The following PDSS2 variants were observed in gnomAD, a reference collection of about 807,000 sequenced individuals.
PDSS2 encodes the protein decaprenyl diphosphate synthase subunit 2.
Under a neutral mutation model 44.5 loss-of-function variants are expected in PDSS2, and 31 were observed. The observed-to-expected ratio is 0.70, with a 90% confidence interval of 0.52 to 0.94. PDSS2 has a LOEUF of 0.94. PDSS2 is among the 40% of genes least tolerant of loss of function. PDSS2 has a pLI of 0.00. For synonymous variants in PDSS2, 157 were observed against 180.3 expected, an observed-to-expected ratio of 0.87 and a Z score of 1.03; for missense variants, 452 against 482.2, an observed-to-expected ratio of 0.94 and a Z score of 0.59.
At chr6:107,447,966 A>C (rs1781742070) in intron 1 of PDSS2, among the ~76,000 whole-genome samples, 2 of 152,252 alleles carry the variant, frequency 1.3e-5, no homozygotes, top group South Asian at 4.1e-4. Flanking sequence ...ACCACATGGA[A>C]GCTGCCAAGG....
chr6:107,315,966 A>G (rs1223884504), intron 2 of PDSS2, among the ~76,000 whole-genome samples: 1 of 152,252 alleles, frequency 6.6e-6, no homozygotes, highest in Non-Finnish European at 1.5e-5. Context: ...TAATTAGAAG[A>G]AAACATCTTG....
rs1232754420 is a variant in PDSS2 at position 107,225,157 on chromosome 6, ATATATTTTTTTTTTTTT to A, written c.703-12892_703-12876del. 1.8e-3 allele frequency among the ~76,000 whole-genome samples: 56 copies of A among 30,568 alleles called. No homozygotes were observed. The East Asian group carries it at 0.053, about 29-fold the overall frequency. The allele number at this position is 30,568 out of a possible 152,430, so 20.1% of individuals were successfully genotyped here. A position where few individuals can be genotyped will look rare whatever the true frequency, so the allele number is the denominator to read the frequency against. On this transcript the variant is annotated intron_variant, in intron 4 of 7. Transcript: ENST00000369037. ...TATTTTTATATATATATATATATATATATATTTTTTTTTTTTTTTTTTTTTTTTTTTTGAGACAGAGT... is the reference window on the plus strand; with the variant it reads ...TATTTTTATATATATATATATATATATTTTTTTTTTTTTTTGAGACAGAGT...
chr6:107,165,526 C>T (rs1485488714), intron 7 of PDSS2, among the ~76,000 whole-genome samples: 5 of 152,140 alleles, frequency 3.3e-5, no homozygotes, highest in African/African-American at 1.2e-4. Flanking sequence ...TGGTCTGTAT[C>T]TCTGTTTTGG....
intron 3 of PDSS2, among the ~76,000 whole-genome samples, chr6:107,256,135 T>C (rs547353263): frequency 6.6e-6 from 1 of 152,136 alleles, no homozygotes; most frequent in Non-Finnish European, 1.5e-5. Context: ...GGGCTACAGG[T>C]GCATGCCACC....
intron 3 of PDSS2, 126 bp downstream of exon 3, chr6:107,273,903 T>A (rs1775685004): frequency 2.7e-6 from 2 of 753,840 alleles, no homozygotes; most frequent in Non-Finnish European, 4.8e-6. Context: ...CATCACAGTT[T>A]TACTGTTTAC....
chr6:107,370,702 T>A lies in PDSS2; in HGVS notation c.297-36370A>T, dbSNP rs185132896. Among the ~76,000 whole-genome samples, 210 of 151,902 alleles carry A rather than the reference T, an allele frequency of 1.4e-3. 3 individuals carry two copies. Among genetic ancestry groups the A allele is most frequent in the African/African-American group, 4.8e-3 (198 of 41,414 alleles). ...TCTTTTCCCATTTAGCAGACATCAA[T>A]TCTAGACCTACACATAACAACTCAA... is the stretch of plus-strand genomic sequence containing the variant. On this transcript the variant is annotated intron_variant, in intron 1 of 7. Coordinates refer to ENST00000369037, the MANE Select transcript of PDSS2 (RefSeq NM_020381.4).
intron 1 of PDSS2, among the ~76,000 whole-genome samples, chr6:107,351,951 A>G (rs1412959177): frequency 6.6e-6 from 1 of 152,220 alleles, no homozygotes; most frequent in East Asian, 1.9e-4. Flanking sequence ...AATTTTAGGA[A>G]AATGAGCTAA....
chr6:107,210,701 A>AAT, intron 5 of PDSS2, 131 bp from the exon 6 acceptor site: 1 of 665,284 alleles, frequency 1.5e-6, no homozygotes, highest in East Asian at 2.8e-5. Flanking sequence ...GATATACTTT[A>AAT]ATAAACAAAA....
At chr6:107,446,568 G>A (rs1025764029) in intron 1 of PDSS2, among the ~76,000 whole-genome samples, 1 of 152,090 alleles carries the variant, frequency 6.6e-6, no homozygotes, top group African/African-American at 2.4e-5. Context: ...ATTGCTATAA[G>A]GAAATACCCA....
At position 107,264,958 on chromosome 6, in the gene PDSS2, T is replaced by C. The variant is rs1010435588; in HGVS notation, c.630+9071A>G. Among the ~76,000 whole-genome samples the C allele has an allele frequency of 2.6e-5, 4 of 152,276 alleles. No homozygotes were observed. The South Asian group carries it at 8.3e-4, about 32-fold the overall frequency. ...TAGTCCAGGTCTTTGTACAGTGAAG[T>C]ACTAAAATAAAAACTTGCCCTTATG... On this transcript the variant is annotated intron_variant, in intron 3 of 7. Coordinates refer to ENST00000369037, the MANE Select transcript of PDSS2 (RefSeq NM_020381.4).
chr6:107,372,641 A>C (rs954454217), intron 1 of PDSS2, among the ~76,000 whole-genome samples: 1 of 152,008 alleles, frequency 6.6e-6, no homozygotes, highest in Non-Finnish European at 1.5e-5. Flanking sequence ...TTTAGTAGAG[A>C]CAGGGTTTCA....
intron 7 of PDSS2, among the ~76,000 whole-genome samples, chr6:107,176,888 T>A (rs552606883): frequency 5.5e-4 from 83 of 152,156 alleles, no homozygotes; most frequent in South Asian, 5.0e-3. Flanking sequence ...TTGACCTAAT[T>A]GTTGACAGAA....
rs1221983263 is a variant in PDSS2 at position 107,459,474 on chromosome 6, C to A, written c.-189G>T. 2 of 608,788 alleles carry A rather than the reference C, an allele frequency of 3.3e-6. No homozygotes were observed. Among genetic ancestry groups the A allele is most frequent in the Admixed American group, 5.7e-5 (2 of 35,028 alleles). 37.7% of individuals were successfully genotyped at this position (608,788 alleles called of 1,614,324 possible). On this transcript the variant is annotated 5_prime_UTR_variant, in exon 1 of 8. Coordinates refer to ENST00000369037, the MANE Select transcript of PDSS2 (RefSeq NM_020381.4). This position sits in a 1 kb window ranked among gnomAD's most constrained non-coding sequence, Gnocchi z 4.3. Reference sequence around the variant, plus strand: ...GCTGCTTTCTGCAGCCCAGGCTGGGCAAACAACAGTCCCAGCTCAGCACTG... The same window carrying A: ...GCTGCTTTCTGCAGCCCAGGCTGGGAAAACAACAGTCCCAGCTCAGCACTG...
intron 1 of PDSS2, among the ~76,000 whole-genome samples, chr6:107,441,747 A>G (rs769514947): frequency 6.6e-6 from 1 of 152,188 alleles, no homozygotes; most frequent in Non-Finnish European, 1.5e-5. Flanking sequence ...TTGGCCTGTA[A>G]CACATTTCAC....
At chr6:107,277,116 A>AATTGAAAGCTT (rs1344821442) in intron 2 of PDSS2, among the ~76,000 whole-genome samples, 1 of 152,260 alleles carries the variant, frequency 6.6e-6, no homozygotes, top group Non-Finnish European at 1.5e-5. Flanking sequence ...GCTGCCTTCC[A>AATTGAAAGCTT]CATGTGCCCA....
intron 2 of PDSS2, among the ~76,000 whole-genome samples, chr6:107,310,225 C>T (rs1776992863): frequency 7.2e-6 from 1 of 138,404 alleles, no homozygotes; most frequent in African/African-American, 2.7e-5. Context: ...GCGGAGCTTA[C>T]AGTGAGCAGA....
chr6:107,311,380 A>AT (rs964903030), intron 2 of PDSS2, among the ~76,000 whole-genome samples: 66 of 151,328 alleles, frequency 4.4e-4, no homozygotes, highest in African/African-American at 1.6e-3. Context: ...TTAATTTTTT[A>AT]TTTTTTTGTA....
chr6:107,321,640 C>T (rs1160190626), intron 2 of PDSS2, among the ~76,000 whole-genome samples: 1 of 152,130 alleles, frequency 6.6e-6, no homozygotes, highest in African/African-American at 2.4e-5. Flanking sequence ...AACCACTGTT[C>T]CTTTGAAACC....
chr6:107,353,628 C>A (rs558115449), intron 1 of PDSS2, among the ~76,000 whole-genome samples: 19 of 152,058 alleles, frequency 1.2e-4, no homozygotes, highest in Non-Finnish European at 2.5e-4. Context: ...TCTGAAGAAG[C>A]AAAGTCTTTA....
Sources: gnomAD v4.1 joint callset for allele counts (sites outside exome capture counted in the v4.1 genomes callset) on GRCh38, gnomAD v4.1.1 for gene constraint, Gnocchi (gnomAD v3.1) non-coding constraint, MANE v1.5 for transcripts, NCBI Gene and HGNC (gene_info 2026-07-23, HGNC 2026-07-21) for gene names.